Variants in PDE3B observed in about 807,000 individuals in gnomAD.
PDE3B encodes phosphodiesterase 3B, also known as cGMP-inhibited 3',5'-cyclic phosphodiesterase 3B.
A neutral mutation model predicts 116.8 loss-of-function variants in PDE3B; 66 were observed. That is an observed-to-expected ratio of 0.56 (90% confidence interval 0.46 to 0.69). The LOEUF is 0.69. Among genes scored for constraint, PDE3B ranks in the 30% least tolerant of loss-of-function variants. The pLI, the probability that PDE3B is intolerant of heterozygous loss-of-function variation, is 0.00. For missense variants in PDE3B, 1,384 were observed against 1,368.1 expected, an observed-to-expected ratio of 1.01 and a Z score of -0.18; for synonymous variants, 595 against 533.6, an observed-to-expected ratio of 1.12 and a Z score of -1.59.
intron 12 of PDE3B, among the ~76,000 whole-genome samples, chr11:14,855,992 C>T (rs1357449513): frequency 1.3e-5 from 2 of 152,158 alleles, no homozygotes; most frequent in Admixed American, 6.5e-5. Context: ...TGAACTGATA[C>T]GGTTTGTCTC....
chr11:14,649,323 T>C (rs1382323470), intron 1 of PDE3B, among the ~76,000 whole-genome samples: 2 of 152,208 alleles, frequency 1.3e-5, no homozygotes, highest in African/African-American at 2.4e-5. Flanking sequence ...TTGGTATAGA[T>C]ATATAAAATA....
At chr11:14,880,829 G>A in the PDE3B span, 1 of 1,505,106 alleles carries the variant, frequency 6.6e-7, no homozygotes, top group Admixed American at 2.3e-5. Context: ...AAAATGAAAG[G>A]GAACAAAATT....
At chr11:14,685,350 A>G (rs1854839458) in intron 1 of PDE3B, among the ~76,000 whole-genome samples, 1 of 151,586 alleles carries the variant, frequency 6.6e-6, no homozygotes, top group Non-Finnish European at 1.5e-5. Flanking sequence ...ATGGGATATG[A>G]ATGTTCTATA....
At chr11:14,673,598 AC>A in intron 1 of PDE3B, 1 of 610,408 alleles carries the variant, frequency 1.6e-6, no homozygotes, top group Non-Finnish European at 3.2e-6. Context: ...GGCTCTCAGG[AC>A]GGTTCTCAGG....
At chr11:14,723,967 G>A (rs868450431) in intron 1 of PDE3B, among the ~76,000 whole-genome samples, 1 of 152,276 alleles carries the variant, frequency 6.6e-6, no homozygotes, top group East Asian at 1.9e-4. Flanking sequence ...GGAAGCTATC[G>A]AAAAGTTTTT....
chr11:14,808,727 T>A (rs998053110), intron 5 of PDE3B, among the ~76,000 whole-genome samples: 2 of 152,150 alleles, frequency 1.3e-5, no homozygotes, highest in Admixed American at 1.3e-4. Flanking sequence ...TATGCTAACA[T>A]TAAGGAATCC....
At chr11:14,888,847 A>T in the PDE3B span, among the ~76,000 whole-genome samples, 1 of 152,172 alleles carries the variant, frequency 6.6e-6, no homozygotes, top group Admixed American at 6.5e-5. Context: ...GAATTATTTT[A>T]TTGTCCTGAA....
At chr11:14,828,168 C>G (rs1859760727) in intron 7 of PDE3B, among the ~76,000 whole-genome samples, 1 of 152,118 alleles carries the variant, frequency 6.6e-6, no homozygotes, top group Non-Finnish European at 1.5e-5. Context: ...CAAAAATCAA[C>G]TAAAGATGGT....
chr11:14,731,323 A>G (rs986594403), intron 1 of PDE3B, among the ~76,000 whole-genome samples: 7 of 139,584 alleles, frequency 5.0e-5, no homozygotes, highest in Non-Finnish European at 1.0e-4. Context: ...CAGTGGCACT[A>G]TCTCGGCTCA....
intron 1 of PDE3B, among the ~76,000 whole-genome samples, chr11:14,649,087 G>A (rs1224558542): frequency 6.6e-6 from 1 of 152,116 alleles, no homozygotes; most frequent in Non-Finnish European, 1.5e-5. Flanking sequence ...TCCATAATTT[G>A]TTTTTATACA....
chr11:14,892,392 A>G, the PDE3B span: 2 of 628,552 alleles, frequency 3.2e-6, no homozygotes, highest in African/African-American at 1.8e-5. Flanking sequence ...CTGAGAGTGG[A>G]CTTTGCGGAG....
intron 1 of PDE3B, among the ~76,000 whole-genome samples, chr11:14,682,154 G>T (rs906987185): frequency 2.5e-4 from 38 of 152,174 alleles, no homozygotes; most frequent in Non-Finnish European, 5.9e-5. Context: ...ACATTGAGTA[G>T]GTTGGGGAGG....
intron 12 of PDE3B, among the ~76,000 whole-genome samples, chr11:14,849,739 G>T (rs1055245999): frequency 4.6e-5 from 7 of 152,294 alleles, no homozygotes; most frequent in African/African-American, 1.7e-4. Flanking sequence ...GTGAAAAAAT[G>T]CTCACCATCA....
intron 7 of PDE3B, among the ~76,000 whole-genome samples, chr11:14,821,793 A>C (rs1700854521): frequency 1.3e-5 from 2 of 152,162 alleles, no homozygotes; most frequent in African/African-American, 4.8e-5. Flanking sequence ...ATCTTGTAAG[A>C]TGGGTATTAT....
At chr11:14,830,677 A>T in intron 7 of PDE3B, 21 bp from the exon 8 acceptor site, 1 of 1,214,036 alleles carries the variant, frequency 8.2e-7, no homozygotes, top group Non-Finnish European at 1.1e-6. Flanking sequence ...CCTATATATT[A>T]CTATATATAT....
At chr11:14,647,926 GTTT>G (rs34959387) in intron 1 of PDE3B, among the ~76,000 whole-genome samples, 1 of 136,452 alleles carries the variant, frequency 7.3e-6, no homozygotes. Flanking sequence ...CTTAACTAAG[GTTT>G]TTTTTTTTTT....
intron 10 of PDE3B, among the ~76,000 whole-genome samples, chr11:14,833,523 G>A (rs1020386054): frequency 2.0e-5 from 3 of 152,098 alleles, no homozygotes; most frequent in Non-Finnish European, 4.4e-5. Context: ...TTAGTCAAGA[G>A]TTTCAGAAAA....
intron 1 of PDE3B, among the ~76,000 whole-genome samples, chr11:14,679,856 T>C (rs1455900022): frequency 6.6e-6 from 1 of 151,996 alleles, no homozygotes; most frequent in Admixed American, 6.6e-5. Flanking sequence ...AAAGTCCACT[T>C]TGCTCCATCA....
chr11:14,690,351 TA>T (rs1209760865), intron 1 of PDE3B, among the ~76,000 whole-genome samples: 2 of 152,190 alleles, frequency 1.3e-5, no homozygotes, highest in Non-Finnish European at 1.5e-5. Context: ...GACTATTTTG[TA>T]AAATATAAAT....
Sources: gnomAD v4.1 joint callset for allele counts (sites outside exome capture counted in the v4.1 genomes callset) on GRCh38, gnomAD v4.1.1 for gene constraint, MANE v1.5 for transcripts, NCBI Gene and HGNC (gene_info 2026-07-23, HGNC 2026-07-21) for gene names.